PCCA: variants seen among roughly 807,000 people sequenced by gnomAD.
PCCA encodes propionyl-CoA carboxylase subunit alpha.
In PCCA, 74 loss-of-function variants were observed where a neutral mutation model predicts 101.3. That is an observed-to-expected ratio of 0.73 (90% CI 0.61 to 0.89). PCCA has a LOEUF of 0.89. Ranked by LOEUF, PCCA falls within the 40% of genes least tolerant of loss-of-function variation. The pLI is 0.00. For missense variants in PCCA, 891 were observed against 907.0 expected, an observed-to-expected ratio of 0.98 and a Z score of 0.23; for synonymous variants, 294 against 313.6, an observed-to-expected ratio of 0.94 and a Z score of 0.66.
At chr13:100,147,318 A>G (rs946120281) in intron 4 of PCCA, among the ~76,000 whole-genome samples, 2 of 152,196 alleles carry the variant, frequency 1.3e-5, no homozygotes, top group African/African-American at 2.4e-5. Context: ...AATTACAATA[A>G]AATTGAAAAA....
At chr13:100,444,772 C>G (rs888277004) in intron 20 of PCCA, among the ~76,000 whole-genome samples, 4 of 152,068 alleles carry the variant, frequency 2.6e-5, no homozygotes, top group Non-Finnish European at 4.4e-5. Context: ...GCAATCTGCC[C>G]GCCTCGGTCT....
chr13:100,374,028 C>T (rs1388690502), intron 19 of PCCA, among the ~76,000 whole-genome samples: 2 of 152,104 alleles, frequency 1.3e-5, no homozygotes, highest in Admixed American at 1.3e-4. Context: ...AGGAGAATCA[C>T]TTGAACACAG....
At chr13:100,129,995 ATTG>A in intron 4 of PCCA, among the ~76,000 whole-genome samples, 1 of 152,196 alleles carries the variant, frequency 6.6e-6, no homozygotes, top group East Asian at 1.9e-4. Context: ...TTTTATTGTC[ATTG>A]TTGTACATTT....
chr13:100,322,317 T>C (rs2068148504), intron 16 of PCCA, among the ~76,000 whole-genome samples: 1 of 152,124 alleles, frequency 6.6e-6, no homozygotes, highest in Non-Finnish European at 1.5e-5. Context: ...GTCTAGGAAT[T>C]AGTTTGTCAT....
intron 2 of PCCA, among the ~76,000 whole-genome samples, chr13:100,109,187 AAG>A (rs1173414972): frequency 6.6e-6 from 1 of 152,216 alleles, no homozygotes; most frequent in Non-Finnish European, 1.5e-5. Flanking sequence ...TAAACACTTT[AAG>A]AGTGTTAATT....
intron 19 of PCCA, among the ~76,000 whole-genome samples, chr13:100,392,758 G>T (rs761688384): frequency 6.6e-6 from 1 of 152,208 alleles, no homozygotes. Flanking sequence ...TGATAAGTGG[G>T]ATTCCAAACA....
intron 19 of PCCA, among the ~76,000 whole-genome samples, chr13:100,390,597 G>T (rs1328053832): frequency 3.3e-5 from 5 of 152,304 alleles, no homozygotes; most frequent in African/African-American, 1.2e-4. Context: ...CTGAAGAGGA[G>T]CATTGAAAGA....
At chr13:100,135,054 G>C (rs1304273783) in intron 4 of PCCA, among the ~76,000 whole-genome samples, 2 of 151,658 alleles carry the variant, frequency 1.3e-5, no homozygotes, top group Non-Finnish European at 1.5e-5. Flanking sequence ...GTACTGTTTT[G>C]TTAGATTTTT....
intron 4 of PCCA, among the ~76,000 whole-genome samples, chr13:100,121,338 T>C (rs563790423): frequency 6.6e-6 from 1 of 152,032 alleles, no homozygotes; most frequent in Admixed American, 6.6e-5. Flanking sequence ...TTTTGTACTT[T>C]TAGTAGAGAT....
rs759924381 is a variant in PCCA at position 100,155,069 on chromosome 13, A to T, written c.391A>T (p.Ile131Phe). ...YLNMDAIMEA[I>F]KKTRAQAVHP... Reference sequence around the variant, plus strand: ...CAACATGGATGCCATCATGGAAGCCATTAAGAAAACCAGGGCCCAAGCTGT... The same window carrying T: ...CAACATGGATGCCATCATGGAAGCCTTTAAGAAAACCAGGGCCCAAGCTGT... Residue 131 changes from isoleucine to phenylalanine, a missense_variant, in exon 5 of 24, where the codon ATT becomes TTT. Ile to Phe is a conservative substitution (Grantham distance 21, BLOSUM62 0). Coordinates refer to ENST00000376285, the MANE Select transcript of PCCA (RefSeq NM_000282.4). The T allele has an allele frequency of 7.9e-5, 127 of 1,613,556 alleles. No individual in the cohort carries two copies. The highest frequency in any genetic ancestry group is 1.1e-4 in the Non-Finnish European group (124 of 1,179,590).
chr13:100,309,416 A>G (rs932194637), intron 15 of PCCA, among the ~76,000 whole-genome samples: 7 of 152,164 alleles, frequency 4.6e-5, no homozygotes, highest in Non-Finnish European at 8.8e-5. Flanking sequence ...AAATAAAAAG[A>G]AAGGAAAGTG....
intron 17 of PCCA, among the ~76,000 whole-genome samples, chr13:100,339,258 AT>A (rs1038059838): frequency 2.0e-4 from 30 of 151,822 alleles, no homozygotes; most frequent in Non-Finnish European, 3.4e-4. Flanking sequence ...ACAACAATAC[AT>A]TTTTTTTCTC....
intron 19 of PCCA, among the ~76,000 whole-genome samples, chr13:100,376,182 C>T (rs1452561217): frequency 4.6e-5 from 7 of 152,222 alleles, no homozygotes; most frequent in African/African-American, 1.2e-4. Context: ...GCAGAGGCTG[C>T]AGAACAGCAA....
At chr13:100,376,611 G>A (rs2075917976) in intron 19 of PCCA, among the ~76,000 whole-genome samples, 1 of 152,204 alleles carries the variant, frequency 6.6e-6, no homozygotes, top group African/African-American at 2.4e-5. Context: ...CCATGGCTTT[G>A]TTTATTCTCT....
rs1594744140 is a variant in PCCA, at chr13:100,209,330, A to G, written c.469-2A>G. ...TAAATTTTGACTTGTTTTTCTCCAC[A>G]GGCAGCAGAAGATGTCGTTTTCATT... On this transcript the variant is annotated splice_acceptor_variant, in intron 6 of 23. Coordinates refer to ENST00000376285, the MANE Select transcript of PCCA (RefSeq NM_000282.4). LOFTEE classifies it high-confidence loss of function. The G allele has an allele frequency of 6.2e-7, 1 of 1,613,442 alleles. No individual in the cohort carries two copies. The highest frequency in any genetic ancestry group is 1.3e-5 in the African/African-American group (1 of 75,050).
chr13:100,416,713 C>T (rs574532772), intron 19 of PCCA, among the ~76,000 whole-genome samples: 54 of 151,522 alleles, frequency 3.6e-4, no homozygotes, highest in Non-Finnish European at 6.6e-4. Context: ...TTAGTAGAGA[C>T]GGGGTTTCAC....
At chr13:100,413,754 C>T (rs1362065876) in intron 19 of PCCA, among the ~76,000 whole-genome samples, 1 of 152,128 alleles carries the variant, frequency 6.6e-6, no homozygotes, top group Non-Finnish European at 1.5e-5. Flanking sequence ...ACAAGCATTG[C>T]GACCATTCAC....
intron 16 of PCCA, among the ~76,000 whole-genome samples, chr13:100,325,236 T>A (rs2068533546): frequency 6.6e-6 from 1 of 152,192 alleles, no homozygotes; most frequent in African/African-American, 2.4e-5. Context: ...ACAGGATTAC[T>A]ATAAGAAAGG....
chr13:100,264,529 C>A (rs184223508), intron 10 of PCCA, among the ~76,000 whole-genome samples: 32 of 152,232 alleles, frequency 2.1e-4, no homozygotes, highest in African/African-American at 7.7e-4. Context: ...CACACATCAT[C>A]ATATCTTTGA....
Sources: allele counts gnomAD v4.1 joint callset (sites outside exome capture counted in the v4.1 genomes callset), GRCh38; gene constraint gnomAD v4.1.1; transcripts MANE v1.5; gene names NCBI Gene and HGNC (gene_info 2026-07-23, HGNC 2026-07-21).